Variants in LGALS9 observed in about 807,000 individuals in gnomAD.
LGALS9 encodes galectin-9.
LGALS9 carries 26 observed loss-of-function variants against 35.9 expected under a neutral mutation model. The ratio of observed to expected loss-of-function variants is 0.72; its 90% CI spans 0.53 to 1.01. The LOEUF (loss-of-function observed/expected upper bound fraction) is 1.01. Among genes scored for constraint, LGALS9 ranks in the 50% least tolerant of loss-of-function variants. The probability of loss-of-function intolerance (pLI) is 0.00; values close to 1 mark genes in which losing one functional copy is unlikely to be tolerated. For synonymous variants in LGALS9, 149 were observed against 172.2 expected (o/e 0.87, Z 1.06); for missense variants, 347 against 445.8 (o/e 0.78, Z 1.99).
At position 27,645,248 on chromosome 17, in the gene LGALS9, C is replaced by T. The variant is rs1273731734; in HGVS notation, c.541-66C>T. ...GCACAAGAGCCTCCCTGGAGTTTTG[C>T]CACCATCTCCTCCCATTCTGTGGTG... is the stretch of plus-strand genomic sequence containing the variant. On this transcript the variant is annotated intron_variant, in intron 5 of 10. Transcript: ENST00000395473. 7 of 1,612,844 alleles carry T rather than the reference C, an allele frequency of 4.3e-6. No homozygotes were observed. The African/African-American group carries it at 6.7e-5, about 15-fold the overall frequency.
intron 10 of LGALS9, among the ~76,000 whole-genome samples, chr17:27,647,992 C>G (rs539535402): frequency 6.6e-6 from 1 of 152,244 alleles, no homozygotes; most frequent in Non-Finnish European, 1.5e-5. Context: ...TGTGGCCTGT[C>G]CAGGAACAGC....
intron 1 of LGALS9, among the ~76,000 whole-genome samples, chr17:27,632,124 G>A (rs1226317789): frequency 5.9e-5 from 9 of 152,086 alleles, no homozygotes; most frequent in Non-Finnish European, 1.3e-4. Context: ...CCAGATGGGA[G>A]TGGCAGCCCC....
intron 7 of LGALS9, 81 bp from the exon 8 acceptor site, chr17:27,646,466 C>G (rs1904950190): frequency 3.7e-6 from 6 of 1,605,422 alleles, no homozygotes; most frequent in Non-Finnish European, 4.3e-6. Flanking sequence ...GGAGTCCTCT[C>G]TAGAACGCGT....
Position 27,642,239 on chromosome 17 carries a change from T to G in LGALS9, c.335T>G (p.Val112Gly). 2 of 1,611,634 alleles carry G rather than the reference T, an allele frequency of 1.2e-6. No individual in the cohort carries two copies. Among genetic ancestry groups the G allele is most frequent in the Non-Finnish European group, 1.7e-6 (2 of 1,179,004 alleles). Residue 112 changes from valine to glycine, a missense_variant and splice_region_variant, in exon 4 of 11, where the codon GTG (valine) becomes GGG (glycine). Transcript: ENST00000395473. ...CFLVQSSDFK[V>G]MVNGILFVQY... is the part of the protein sequence containing the mutation. ...AGAACATGTGCTCTCCTCTGGCAGG[T>G]GATGGTGAACGGGATCCTCTTCGTG...
Position 27,646,595 on chromosome 17 carries a change from GGT to G in LGALS9, c.669+8_669+9del, listed in dbSNP as rs746658960. The G allele has an allele frequency of 3.1e-6, 5 of 1,612,760 alleles. No homozygotes were observed. Among genetic ancestry groups the G allele is most frequent in the Middle Eastern group, 4.0e-4 (2 of 4,952 alleles). On this transcript the variant is annotated splice_region_variant and intron_variant, in intron 8 of 10. Transcript: ENST00000395473. ...GTACCCCCACCCCGCCTATGTAAGT[GGT>G]TTCTCAGGGAGGGCAGAGGTTCTGT...
chr17:27,645,083 C>G (rs1264590368), intron 5 of LGALS9: 1 of 723,974 alleles, frequency 1.4e-6, no homozygotes, highest in Non-Finnish European at 2.3e-6. Flanking sequence ...TCCTCTCTCT[C>G]GAGAGGAACC....
intron 7 of LGALS9, among the ~76,000 whole-genome samples, 198 bp from the exon 8 acceptor site, chr17:27,646,349 G>A (rs574889117): frequency 4.6e-5 from 7 of 152,294 alleles, no homozygotes; most frequent in Admixed American, 2.0e-4. Context: ...GCAGGTGACC[G>A]TGGTGTGGTC....
At chr17:27,643,260 C>A (rs1904654511) in intron 4 of LGALS9, among the ~76,000 whole-genome samples, 1 of 152,142 alleles carries the variant, frequency 6.6e-6, no homozygotes, top group African/African-American at 2.4e-5. Context: ...GGCTTCTCGC[C>A]CTTTGGTCCT....
chr17:27,636,364 A>C (rs2074451268), intron 1 of LGALS9, among the ~76,000 whole-genome samples: 2 of 152,242 alleles, frequency 1.3e-5, no homozygotes, highest in Non-Finnish European at 2.9e-5. Context: ...ATCTTGCTTC[A>C]TCCTATACCC....
At chr17:27,640,861 A>G in intron 3 of LGALS9, 88 bp downstream of exon 3, 1 of 1,560,710 alleles carries the variant, frequency 6.4e-7, no homozygotes. Flanking sequence ...CTAAATTGAC[A>G]TTCAGCCAGA....
intron 3 of LGALS9, among the ~76,000 whole-genome samples, chr17:27,641,463 T>A (rs1312336127): frequency 6.6e-6 from 1 of 152,146 alleles, no homozygotes; most frequent in African/African-American, 2.4e-5. Context: ...TTCTTACTTA[T>A]AAGTAGGAGC....
intron 3 of LGALS9, 76 bp downstream of exon 3, chr17:27,640,849 A>G (rs1174234453): frequency 6.3e-7 from 1 of 1,580,538 alleles, no homozygotes; most frequent in African/African-American, 1.3e-5. Flanking sequence ...TTAAGTAATC[A>G]CCTAAATTGA....
intron 8 of LGALS9, 68 bp downstream of exon 8, chr17:27,646,656 G>A: frequency 6.2e-7 from 1 of 1,608,890 alleles, no homozygotes; most frequent in Non-Finnish European, 8.5e-7. Flanking sequence ...AAGGGCCGCT[G>A]TGGGGGGATC....
chr17:27,636,270 T>C (rs1308044064), intron 1 of LGALS9, among the ~76,000 whole-genome samples: 1 of 152,162 alleles, frequency 6.6e-6, no homozygotes, highest in Admixed American at 6.5e-5. Flanking sequence ...CGTTTTATTA[T>C]AGGAAATTCA....
chr17:27,647,722 T>C (rs1905052605), intron 10 of LGALS9, among the ~76,000 whole-genome samples: 1 of 152,248 alleles, frequency 6.6e-6, no homozygotes, highest in Admixed American at 6.5e-5. Context: ...GTGTTATTCA[T>C]TTCTTCATTT....
Position 27,640,718 on chromosome 17 carries a change from T to A in LGALS9, c.278T>A (p.Phe93Tyr). The change falls in exon 3 of 11, where the codon TTC becomes TAC. Residue 93 changes from phenylalanine to tyrosine, a missense_variant. By Grantham distance (22) the Phe-to-Tyr change is conservative. Coordinates refer to ENST00000395473, the MANE Select transcript of LGALS9 (RefSeq NM_009587.3). ...GPEERKTHMP[F>Y]QKGMPFDLCF... The stretch of plus-strand genomic sequence containing the variant: ...GAGGAGAGGAAGACACACATGCCTT[T>A]CCAGAAGGGGATGCCCTTTGACCTC... The A allele has an allele frequency of 5.0e-6, 8 of 1,614,174 alleles. No individual in the cohort carries two copies. Among genetic ancestry groups the A allele is most frequent in the Non-Finnish European group, 6.8e-6 (8 of 1,180,012 alleles).
chr17:27,639,085 G>C (rs756806545), intron 2 of LGALS9, among the ~76,000 whole-genome samples: 35 of 152,114 alleles, frequency 2.3e-4, no homozygotes, highest in Non-Finnish European at 4.0e-4. Flanking sequence ...ACTCTCTCTC[G>C]GAAGCCTCTC....
At chr17:27,635,464 AAAT>A (rs2074438699) in intron 1 of LGALS9, among the ~76,000 whole-genome samples, 1 of 151,580 alleles carries the variant, frequency 6.6e-6, no homozygotes, top group African/African-American at 2.4e-5. Flanking sequence ...ATAAATAAAT[AAAT>A]AAATAAATAA....
chr17:27,641,221 C>CCAG (rs2151293696), intron 3 of LGALS9, among the ~76,000 whole-genome samples: 2 of 152,180 alleles, frequency 1.3e-5, no homozygotes, highest in Non-Finnish European at 2.9e-5. Context: ...CTTGAGAAGC[C>CCAG]TGTGGGTAAG....
Sources: gnomAD v4.1 joint callset for allele counts (sites outside exome capture counted in the v4.1 genomes callset) on GRCh38, gnomAD v4.1.1 for gene constraint, MANE v1.5 for transcripts, NCBI Gene and HGNC (gene_info 2026-07-23, HGNC 2026-07-21) for gene names.